The following REC114 variants were observed in gnomAD, a reference collection of about 807,000 sequenced individuals.
The protein encoded by REC114 is meiotic recombination protein REC114.
Under a neutral mutation model 31.3 loss-of-function variants are expected in REC114, and 27 were observed. That is an observed-to-expected ratio of 0.86 (90% CI 0.64 to 1.19). The LOEUF is 1.19. REC114 is among the 50% of genes most tolerant of loss of function. The pLI is 0.00. For missense variants in REC114, 344 were observed against 326.9 expected, an observed-to-expected ratio of 1.05 and a Z score of -0.40; for synonymous variants, 134 against 127.7, an observed-to-expected ratio of 1.05 and a Z score of -0.33.
At chr15:73,512,863 T>C (rs978453669) in intron 2 of REC114, among the ~76,000 whole-genome samples, 5 of 149,216 alleles carry the variant, frequency 3.4e-5, no homozygotes, top group African/African-American at 1.3e-4. Context: ...CCTTTCTCTC[T>C]GGCTGCCCTT....
chr15:73,511,279 C>A (rs910433572), intron 2 of REC114, among the ~76,000 whole-genome samples: 1 of 152,112 alleles, frequency 6.6e-6, no homozygotes, highest in South Asian at 2.1e-4. Flanking sequence ...TCTGTGGGAT[C>A]GGTGGTGATA....
At chr15:73,508,776 A>G (rs1257159640) in intron 2 of REC114, among the ~76,000 whole-genome samples, 1 of 151,228 alleles carries the variant, frequency 6.6e-6, no homozygotes, top group African/African-American at 2.4e-5. Flanking sequence ...ACGTGAACTC[A>G]TCATTTTTTA....
rs1212583296 is a variant in REC114, at chr15:73,473,918, A to G, written c.246A>G (p.Leu82=). ...TCTTCATTTTCCAAGGACAGACACT[A>G]CTGGTAGGTTTTATGCATAACAGTT... is the stretch of plus-strand genomic sequence containing the variant. The part of the protein sequence containing the change: ...GHFFIFQGQT[L]LEGFSLIGSK... The change falls in exon 2 of 6, where the codon CTA becomes CTG. Residue 82 remains leucine, a synonymous_variant. Transcript: ENST00000331090. 6.4e-7 allele frequency: 1 copy of G among 1,562,222 alleles called. No individual in the cohort carries two copies.
chr15:73,530,499 T>A (rs781398199), intron 2 of REC114, among the ~76,000 whole-genome samples: 69 of 152,082 alleles, frequency 4.5e-4, no homozygotes, highest in Non-Finnish European at 8.2e-4. Flanking sequence ...AAATTTAAAA[T>A]TAGCTGGGCA....
chr15:73,455,186 G>A (rs7177226), intron 1 of REC114, among the ~76,000 whole-genome samples: 25,056 of 151,982 alleles, frequency 0.16, 3,254 homozygotes, highest in African/African-American at 0.36. Flanking sequence ...CTATTGTGCA[G>A]TAATAATAAT....
chr15:73,458,156 A>G (rs1384754320), intron 1 of REC114, among the ~76,000 whole-genome samples: 3 of 152,208 alleles, frequency 2.0e-5, no homozygotes, highest in Non-Finnish European at 4.4e-5. Flanking sequence ...AGAGGGGACA[A>G]TTCACTAAGT....
At chr15:73,449,204 T>G (rs1892809630) in intron 1 of REC114, among the ~76,000 whole-genome samples, 1 of 152,070 alleles carries the variant, frequency 6.6e-6, no homozygotes, top group African/African-American at 2.4e-5. Context: ...TCCTCTGAGC[T>G]AAAGGAGCAT....
At chr15:73,554,295 T>C (rs780820533) in intron 4 of REC114, among the ~76,000 whole-genome samples, 3 of 152,162 alleles carry the variant, frequency 2.0e-5, no homozygotes, top group Non-Finnish European at 2.9e-5. Context: ...CTTAACTCTG[T>C]TGTACAAATT....
At chr15:73,553,467 T>C (rs16957997) in intron 4 of REC114, among the ~76,000 whole-genome samples, 22,148 of 152,186 alleles carry the variant, frequency 0.15, 2,610 homozygotes, top group African/African-American at 0.32. Flanking sequence ...TTTCACTGCC[T>C]GTTAGATTCA....
chr15:73,489,850 G>A lies in REC114; in HGVS notation c.249+15929G>A, dbSNP rs7163096. 2.7e-3 allele frequency among the ~76,000 whole-genome samples: 406 copies of A among 152,206 alleles called. 2 individuals carry two copies. The highest frequency in any genetic ancestry group is 9.4e-3 in the African/African-American group (392 of 41,558). ...GTCCTTCCAAACTCTAACAACAGTGGTGGTTTATCTGTGCCAATCTCATGT... is the reference window on the plus strand; with the variant it reads ...GTCCTTCCAAACTCTAACAACAGTGATGGTTTATCTGTGCCAATCTCATGT... On this transcript the variant is annotated intron_variant, in intron 2 of 5. Transcript: ENST00000331090.
intron 1 of REC114, 26 bp downstream of exon 1, chr15:73,443,370 C>T (rs1175078647): frequency 1.3e-6 from 2 of 1,548,554 alleles, no homozygotes; most frequent in Non-Finnish European, 1.7e-6. Context: ...AGGAATATCC[C>T]TGAGGTGCCC....
At chr15:73,505,175 C>T (rs1403760215) in intron 2 of REC114, among the ~76,000 whole-genome samples, 1 of 152,064 alleles carries the variant, frequency 6.6e-6, no homozygotes, top group Non-Finnish European at 1.5e-5. Flanking sequence ...GTAGTCAGTG[C>T]CCTGTAAATG....
chr15:73,513,472 G>T (rs1342614341), intron 2 of REC114, among the ~76,000 whole-genome samples: 2 of 148,854 alleles, frequency 1.3e-5, no homozygotes, highest in African/African-American at 4.9e-5. Flanking sequence ...ATCCAGCTTT[G>T]TTCCGTTGCT....
chr15:73,449,352 C>T (rs1410905453), intron 1 of REC114, among the ~76,000 whole-genome samples: 1 of 152,028 alleles, frequency 6.6e-6, no homozygotes, highest in Non-Finnish European at 1.5e-5. Context: ...ATGAAGCATA[C>T]ACAAGTATCA....
intron 1 of REC114, among the ~76,000 whole-genome samples, chr15:73,461,169 CTT>C (rs1278555670): frequency 6.6e-6 from 1 of 151,630 alleles, no homozygotes; most frequent in Admixed American, 6.6e-5. Context: ...ACAGTTAAAA[CTT>C]TGTATTTCTG....
intron 2 of REC114, among the ~76,000 whole-genome samples, chr15:73,494,143 A>T (rs1893483607): frequency 6.6e-6 from 1 of 152,186 alleles, no homozygotes; most frequent in Non-Finnish European, 1.5e-5. Flanking sequence ...CAGTTTTGTC[A>T]TATGAATGGC....
intron 1 of REC114, among the ~76,000 whole-genome samples, chr15:73,446,851 A>T (rs746283564): frequency 1.3e-5 from 2 of 152,222 alleles, no homozygotes; most frequent in Non-Finnish European, 2.9e-5. Context: ...TTTTAAGCAG[A>T]GGCATTTTCA....
chr15:73,443,384 G>T (rs1892724330), intron 1 of REC114, 40 bp downstream of exon 1: 2 of 1,530,210 alleles, frequency 1.3e-6, no homozygotes, highest in Non-Finnish European at 8.8e-7. Flanking sequence ...GGTGCCCACA[G>T]CCCTCAGGAG....
intron 3 of REC114, among the ~76,000 whole-genome samples, chr15:73,548,228 C>T (rs1030997857): frequency 2.0e-5 from 3 of 152,154 alleles, no homozygotes; most frequent in Non-Finnish European, 4.4e-5. Context: ...TCTGCCTCCG[C>T]CTCCCGAATA....
Sources: allele counts gnomAD v4.1 joint callset (sites outside exome capture counted in the v4.1 genomes callset), GRCh38; gene constraint gnomAD v4.1.1; transcripts MANE v1.5; gene names NCBI Gene and HGNC (gene_info 2026-07-23, HGNC 2026-07-21).